The following SPAST variants were observed in gnomAD, a reference collection of about 807,000 sequenced individuals.
SPAST encodes spastin.
Under a neutral mutation model 76.6 loss-of-function variants are expected in SPAST, and 30 were observed. The observed-to-expected ratio is 0.39, with a 90% confidence interval of 0.29 to 0.53. The LOEUF is 0.53. Among genes scored for constraint, SPAST ranks in the 20% least tolerant of loss-of-function variants. The pLI is 0.68. For missense variants in SPAST, 717 were observed against 770.5 expected, an observed-to-expected ratio of 0.93 and a Z score of 0.82; for synonymous variants, 305 against 281.0, an observed-to-expected ratio of 1.09 and a Z score of -0.86.
intron 2 of SPAST, among the ~76,000 whole-genome samples, chr2:32,088,469 A>G (rs1174138079): frequency 6.6e-6 from 1 of 152,124 alleles, no homozygotes; most frequent in Non-Finnish European, 1.5e-5. Flanking sequence ...ACATGGAGAA[A>G]CCCTGTCTCT....
At chr2:32,079,811 G>T (rs570554995) in intron 1 of SPAST, among the ~76,000 whole-genome samples, 1 of 152,164 alleles carries the variant, frequency 6.6e-6, no homozygotes, top group Non-Finnish European at 1.5e-5. Context: ...TTTTGCCTCG[G>T]CATGAGCCAC....
chr2:32,145,390 C>G (rs918161283), intron 15 of SPAST, among the ~76,000 whole-genome samples: 1 of 152,190 alleles, frequency 6.6e-6, no homozygotes, highest in African/African-American at 2.4e-5. Context: ...AGCCACCATG[C>G]CCAGCCTTAA....
At chr2:32,080,273 G>A in intron 1 of SPAST, among the ~76,000 whole-genome samples, 1 of 152,026 alleles carries the variant, frequency 6.6e-6, no homozygotes. Context: ...TAATTGGGTT[G>A]TTTTTATGTT....
At chr2:32,116,027 A>T in intron 6 of SPAST, 92 bp from the exon 7 acceptor site, 7 of 1,034,876 alleles carry the variant, frequency 6.8e-6, no homozygotes, top group Non-Finnish European at 1.0e-5. Flanking sequence ...AGTTAACATT[A>T]AAAATAACTA....
chr2:32,127,170 TTGTTTTGAGTGATCTGGGC>T (rs1679223843), intron 8 of SPAST, 148 bp downstream of exon 8: 5 of 694,082 alleles, frequency 7.2e-6, no homozygotes, highest in Non-Finnish European at 1.0e-5. Flanking sequence ...TTGTTTTGTT[TTGTTTTGAGTGATCTGGGC>T]TCACCGCAAC....
At chr2:32,084,611 T>A (rs976560655) in intron 1 of SPAST, among the ~76,000 whole-genome samples, 6 of 151,828 alleles carry the variant, frequency 4.0e-5, no homozygotes, top group East Asian at 3.9e-4. Flanking sequence ...TGAGGCTGGC[T>A]GTGGTGGTTC....
At position 32,146,187 on chromosome 2, in the gene SPAST, A is replaced by T. The variant is rs146227873; in HGVS notation, c.1688-1031A>T. Among the ~76,000 whole-genome samples the T allele has an allele frequency of 9.4e-3, 1,427 of 152,322 alleles. 26 individuals are homozygous for T. Among genetic ancestry groups the T allele is most frequent in the South Asian group, 0.049 (236 of 4,828 alleles). ...AGAAACAGTAGCTAATGCATAAATG[A>T]GTTGTATTTTCTTAGAACGTTTTGG... is the stretch of plus-strand genomic sequence containing the variant. On this transcript the variant is annotated intron_variant, in intron 15 of 16. Transcript: ENST00000315285.
At position 32,064,197 on chromosome 2, in the gene SPAST, G is replaced by C; in HGVS notation, c.366G>C (p.Gln122His). 6.4e-7 allele frequency: 1 copy of C among 1,551,798 alleles called. No individual in the cohort carries two copies. Among genetic ancestry groups the C allele is most frequent in the Non-Finnish European group, 8.7e-7 (1 of 1,148,458 alleles). ...AGCGCGTCCGAGTCTTCCACAAACA[G>C]GCCTTCGAGTACATCTCCATTGCCC... ...EAERVRVFHK[Q>H]AFEYISIALR... The change falls in exon 1 of 17, where the codon CAG (glutamine) becomes CAC (histidine). Residue 122 changes from glutamine (Q) to histidine (H), a missense_variant. Physicochemically the swap from Gln to His is conservative, Grantham distance 24. Coordinates refer to ENST00000315285, the MANE Select transcript of SPAST (RefSeq NM_014946.4).
At chr2:32,151,838 G>T (rs551040790) in intron 16 of SPAST, among the ~76,000 whole-genome samples, 1 of 151,938 alleles carries the variant, frequency 6.6e-6, no homozygotes, top group Admixed American at 6.6e-5. Flanking sequence ...TGAACCTGGG[G>T]AGGTGGAGGT....
chr2:32,082,650 C>T (rs59267742), intron 1 of SPAST, among the ~76,000 whole-genome samples: 3 of 151,816 alleles, frequency 2.0e-5, no homozygotes, highest in African/African-American at 7.3e-5. Flanking sequence ...GAGCTGAGAT[C>T]GTGCCATTGT....
intron 7 of SPAST, among the ~76,000 whole-genome samples, chr2:32,121,341 C>T (rs956918353): frequency 1.1e-3 from 167 of 151,674 alleles, no homozygotes; most frequent in African/African-American, 3.8e-3. Context: ...TTAGTAGAGA[C>T]GGGGTTTCAG....
intron 7 of SPAST, among the ~76,000 whole-genome samples, chr2:32,116,479 G>A (rs1392341548): frequency 2.0e-5 from 3 of 151,788 alleles, no homozygotes; most frequent in Non-Finnish European, 2.9e-5. Context: ...GTTTTGTTTT[G>A]GAGACGGAGT....
intron 1 of SPAST, among the ~76,000 whole-genome samples, chr2:32,073,391 C>T (rs1238915410): frequency 6.6e-6 from 1 of 152,198 alleles, no homozygotes; most frequent in Non-Finnish European, 1.5e-5. Flanking sequence ...TTTCCGCTGT[C>T]TTACTCTCTC....
intron 4 of SPAST, among the ~76,000 whole-genome samples, chr2:32,112,479 C>T (rs1488564001): frequency 6.6e-6 from 1 of 151,658 alleles, no homozygotes; most frequent in Non-Finnish European, 1.5e-5. Flanking sequence ...TCCTGAGTAG[C>T]TGAGATTACA....
intron 8 of SPAST, 115 bp downstream of exon 8, chr2:32,127,137 A>G: frequency 1.3e-6 from 1 of 782,210 alleles, no homozygotes; most frequent in Non-Finnish European, 2.2e-6. Context: ...TTGCTATTGT[A>G]CACTTTTGTT....
At chr2:32,148,131 C>T (rs966693204) in intron 16 of SPAST, among the ~76,000 whole-genome samples, 13 of 151,820 alleles carry the variant, frequency 8.6e-5, no homozygotes, top group Admixed American at 8.5e-4. Flanking sequence ...TGGTGTCTCT[C>T]CCTGTTGCCC....
chr2:32,138,078 T>C (rs1233463445), intron 12 of SPAST, among the ~76,000 whole-genome samples: 1 of 152,238 alleles, frequency 6.6e-6, no homozygotes, highest in African/African-American at 2.4e-5. Flanking sequence ...GATGGACACT[T>C]AGATTGATTC....
chr2:32,114,592 C>T, intron 4 of SPAST, 46 bp from the exon 5 acceptor site: 1 of 1,456,984 alleles, frequency 6.9e-7, no homozygotes, highest in Non-Finnish European at 9.6e-7. Context: ...TCTTTATGTT[C>T]AGCTACAATT....
At chr2:32,136,280 A>G (rs991015784) in intron 9 of SPAST, among the ~76,000 whole-genome samples, 1 of 152,100 alleles carries the variant, frequency 6.6e-6, no homozygotes, top group African/African-American at 2.4e-5. Flanking sequence ...CTCACTAGTT[A>G]TATCCTTGAC....
Sources: allele counts gnomAD v4.1 joint callset (sites outside exome capture counted in the v4.1 genomes callset), GRCh38; gene constraint gnomAD v4.1.1; transcripts MANE v1.5; gene names NCBI Gene and HGNC (gene_info 2026-07-23, HGNC 2026-07-21).